Variants in FGF12 observed in about 807,000 individuals in gnomAD.
FGF12 encodes fibroblast growth factor 12B.
A neutral mutation model predicts 23.6 loss-of-function variants in FGF12; 14 were observed. The observed-to-expected ratio is 0.59, with a 90% CI of 0.39 to 0.93. FGF12 has a LOEUF of 0.93. FGF12 is among the 40% of genes least tolerant of loss of function. The probability of loss-of-function intolerance (pLI) is 0.00; values close to 1 mark genes in which losing one functional copy is unlikely to be tolerated. For missense variants in FGF12, 175 were observed against 217.8 expected (o/e 0.80, Z 1.24); for synonymous variants, 62 against 77.3 (o/e 0.80, Z 1.04).
chr3:192,424,887 T>C (rs1400658783), intron 2 of FGF12, among the ~76,000 whole-genome samples: 1 of 152,232 alleles, frequency 6.6e-6, no homozygotes, highest in African/African-American at 2.4e-5. Context: ...CAGCATTTTA[T>C]AATTTTATGC....
intron 4 of FGF12, among the ~76,000 whole-genome samples, chr3:192,334,074 C>T (rs911430751): frequency 6.6e-6 from 1 of 152,026 alleles, no homozygotes; most frequent in Non-Finnish European, 1.5e-5. Flanking sequence ...TCCTGTGATA[C>T]GAGTTCAGTT....
At chr3:192,562,971 A>G (rs1405492807) in intron 2 of FGF12, among the ~76,000 whole-genome samples, 2 of 152,184 alleles carry the variant, frequency 1.3e-5, no homozygotes, top group African/African-American at 2.4e-5. Flanking sequence ...TCTTAGACAC[A>G]TTGTTTGCCA....
chr3:192,645,865 A>G (rs546687514), intron 2 of FGF12, among the ~76,000 whole-genome samples: 2 of 151,910 alleles, frequency 1.3e-5, no homozygotes, highest in South Asian at 4.2e-4. Flanking sequence ...ATCCACGATA[A>G]CAAATTTACG....
chr3:192,538,335 C>G (rs894588062), intron 2 of FGF12, among the ~76,000 whole-genome samples: 1 of 152,110 alleles, frequency 6.6e-6, no homozygotes, highest in Non-Finnish European at 1.5e-5. Context: ...CCGCTGCGTA[C>G]AGATATCCAG....
chr3:192,334,077 G>C (rs1038315823), intron 4 of FGF12, among the ~76,000 whole-genome samples: 3 of 152,110 alleles, frequency 2.0e-5, no homozygotes, highest in Admixed American at 2.0e-4. Context: ...TGTGATACGA[G>C]TTCAGTTAAT....
intron 2 of FGF12, among the ~76,000 whole-genome samples, chr3:192,548,077 A>T (rs1725540105): frequency 6.6e-6 from 1 of 152,152 alleles, no homozygotes; most frequent in Admixed American, 6.5e-5. Context: ...AAAATGAGTA[A>T]ATTGCTTCTA....
At chr3:192,415,742 A>T (rs1351220362) in intron 2 of FGF12, among the ~76,000 whole-genome samples, 33 of 150,410 alleles carry the variant, frequency 2.2e-4, no homozygotes, top group Non-Finnish European at 3.0e-4. Context: ...TCACACACAC[A>T]CACACACACA....
intron 4 of FGF12, among the ~76,000 whole-genome samples, chr3:192,171,116 C>T (rs901610569): frequency 3.3e-5 from 5 of 152,132 alleles, no homozygotes; most frequent in African/African-American, 1.2e-4. Context: ...ATTACACAGC[C>T]ACAGCTTGGT....
chr3:192,302,337 G>A lies in FGF12; in HGVS notation c.228+33024C>T, dbSNP rs188500789. ...AATGCTCAAATACATCTGAGTTTGT[G>A]TAGGATTGGAGGCAGTTAATATATT... On this transcript the variant is annotated intron_variant, in intron 4 of 5. Coordinates refer to ENST00000445105, the MANE Select transcript of FGF12 (RefSeq NM_004113.6). Among the ~76,000 whole-genome samples the A allele has an allele frequency of 5.7e-3, 862 of 152,324 alleles. 1 individual carries two copies. The highest frequency in any genetic ancestry group is 0.012 in the South Asian group (59 of 4,826).
chr3:192,687,065 G>A (rs1349098076), intron 2 of FGF12, among the ~76,000 whole-genome samples: 4 of 150,506 alleles, frequency 2.7e-5, no homozygotes, highest in South Asian at 2.1e-4. Flanking sequence ...TCCTGACCTC[G>A]TGATCTGCCC....
chr3:192,465,570 C>T (rs1440734834), intron 2 of FGF12, among the ~76,000 whole-genome samples: 1 of 152,050 alleles, frequency 6.6e-6, no homozygotes, highest in Non-Finnish European at 1.5e-5. Context: ...GGAGAGTTCC[C>T]TCCATTCTCT....
At chr3:192,493,188 A>T (rs968283129) in intron 2 of FGF12, among the ~76,000 whole-genome samples, 5 of 152,016 alleles carry the variant, frequency 3.3e-5, no homozygotes, top group Non-Finnish European at 7.4e-5. Context: ...AGGTGCTGAG[A>T]CTGTGTGCCT....
intron 2 of FGF12, among the ~76,000 whole-genome samples, chr3:192,704,215 A>G (rs916680653): frequency 2.0e-5 from 3 of 152,234 alleles, no homozygotes; most frequent in Non-Finnish European, 4.4e-5. Flanking sequence ...TTCTTAAATA[A>G]AAAGACTTGA....
intron 4 of FGF12, among the ~76,000 whole-genome samples, chr3:192,181,837 C>T (rs934323274): frequency 6.6e-6 from 1 of 151,496 alleles, no homozygotes; most frequent in Non-Finnish European, 1.5e-5. Flanking sequence ...TGCTGTGTTC[C>T]CCAGGCTGGT....
intron 4 of FGF12, among the ~76,000 whole-genome samples, chr3:192,206,595 A>G (rs1263867605): frequency 1.3e-5 from 2 of 152,244 alleles, no homozygotes; most frequent in African/African-American, 4.8e-5. Context: ...AATCTACATT[A>G]GTAAATGAAT....
rs537370292 is a variant in FGF12, at chr3:192,333,578, T to C, written c.228+1783A>G. Among the ~76,000 whole-genome samples, 251 of 152,198 alleles carry C rather than the reference T, an allele frequency of 1.6e-3. 1 individual carries two copies. The highest frequency in any genetic ancestry group is 5.8e-3 in the African/African-American group (240 of 41,540). On this transcript the variant is annotated intron_variant, in intron 4 of 5. Coordinates refer to ENST00000445105, the MANE Select transcript of FGF12 (RefSeq NM_004113.6). ...CTTTGAAAAAAGGTATATGTACACATATAGCATATTTATAGTGTAAATACA... is the reference window on the plus strand; with the variant it reads ...CTTTGAAAAAAGGTATATGTACACACATAGCATATTTATAGTGTAAATACA...
intron 2 of FGF12, among the ~76,000 whole-genome samples, chr3:192,437,641 A>G (rs1722068374): frequency 6.6e-6 from 1 of 152,160 alleles, no homozygotes; most frequent in Non-Finnish European, 1.5e-5. Context: ...CAGTGAGCCA[A>G]GATCACACCA....
rs111672806 is a variant in FGF12, at chr3:192,475,937, T to TGATAGATAGATAGATA, written c.14-115415_14-115400dup. ...ATAGATGATAGATGATATAGATAGA[T>TGATAGATAGATAGATA]GATAGATAGATAGATAGATAATGAT... On this transcript the variant is annotated intron_variant, in intron 2 of 5. Transcript: ENST00000445105. Among the ~76,000 whole-genome samples, 723 of 151,990 alleles carry TGATAGATAGATAGATA rather than the reference T, an allele frequency of 4.8e-3. 6 individuals carry two copies. The highest frequency in any genetic ancestry group is 0.017 in the African/African-American group (700 of 41,340).
chr3:192,719,079 A>ATAGAT (rs1338197147), intron 2 of FGF12, among the ~76,000 whole-genome samples: 2 of 152,202 alleles, frequency 1.3e-5, no homozygotes, highest in African/African-American at 4.8e-5. Flanking sequence ...CTAGCATTTA[A>ATAGAT]TAGATTAGAT....
Sources: gnomAD v4.1 joint callset for allele counts (sites outside exome capture counted in the v4.1 genomes callset) on GRCh38, gnomAD v4.1.1 for gene constraint, MANE v1.5 for transcripts, NCBI Gene and HGNC (gene_info 2026-07-23, HGNC 2026-07-21) for gene names.